Variants in CDK19 observed in about 807,000 individuals in gnomAD.
CDK19 encodes the protein cyclin dependent kinase 19, also known as cyclin-dependent kinase 19.
In CDK19, 20 loss-of-function variants were observed where a neutral mutation model predicts 68.3. The ratio of observed to expected loss-of-function variants is 0.29; its 90% CI spans 0.21 to 0.43. CDK19 has a LOEUF of 0.43. CDK19 is among the 20% of genes least tolerant of loss of function. CDK19 has a pLI of 1.00. For synonymous variants in CDK19, 221 were observed against 222.8 expected (o/e 0.99, Z 0.07); for missense variants, 339 against 623.5 (o/e 0.54, Z 4.86).
chr6:110,643,675 G>A (rs1780349837), intron 4 of CDK19, among the ~76,000 whole-genome samples: 1 of 152,188 alleles, frequency 6.6e-6, no homozygotes, highest in South Asian at 2.1e-4. Context: ...CACAGACATG[G>A]CATGTTGAGA....
chr6:110,767,702 G>A (rs1485851098), intron 1 of CDK19, among the ~76,000 whole-genome samples: 1 of 151,936 alleles, frequency 6.6e-6, no homozygotes, highest in Non-Finnish European at 1.5e-5. Flanking sequence ...AATGATAAAT[G>A]TTTGAGGTGA....
chr6:110,780,047 G>A (rs10457225), intron 1 of CDK19, among the ~76,000 whole-genome samples: 50,968 of 151,766 alleles, frequency 0.34, 10,373 homozygotes, highest in Admixed American at 0.48. Context: ...GCAAAACCCC[G>A]TCTCTACTAA....
chr6:110,733,696 T>G (rs1048656289), intron 2 of CDK19, among the ~76,000 whole-genome samples: 1 of 151,650 alleles, frequency 6.6e-6, no homozygotes, highest in Non-Finnish European at 1.5e-5. Flanking sequence ...TTAATATATT[T>G]TATATATATC....
chr6:110,620,080 C>G (rs1331824968), intron 12 of CDK19, among the ~76,000 whole-genome samples: 1 of 151,916 alleles, frequency 6.6e-6, no homozygotes, highest in Non-Finnish European at 1.5e-5. Flanking sequence ...CAAACTGAAG[C>G]CTAAATTTGT....
Position 110,627,983 on chromosome 6 carries a change from G to T in CDK19, c.647-838C>A, listed in dbSNP as rs546747959. 1.4e-4 allele frequency among the ~76,000 whole-genome samples: 21 copies of T among 152,264 alleles called. No individual in the cohort carries two copies. The East Asian group carries it at 2.3e-3, about 17-fold the overall frequency. On this transcript the variant is annotated intron_variant, in intron 6 of 12. Transcript: ENST00000368911. ...CAAGTACTTTGGGAGGCTGAGGTGG[G>T]CGGATCACTTGAGGTCAGGAGTTCG...
chr6:110,627,160 A>T lies in CDK19; in HGVS notation c.647-15T>A. On this transcript the variant is annotated splice_polypyrimidine_tract_variant and intron_variant, in intron 6 of 12. Coordinates refer to ENST00000368911, the MANE Select transcript of CDK19 (RefSeq NM_015076.5). The stretch of plus-strand genomic sequence containing the variant: ...TGCCCATATATCTGGGAAGGAAGAA[A>T]CATAAGTTTTTGTATATATTTCCTT... The T allele has an allele frequency of 1.3e-6, 2 of 1,590,016 alleles. No individual in the cohort carries two copies. Among genetic ancestry groups the T allele is most frequent in the Non-Finnish European group, 1.7e-6 (2 of 1,165,942 alleles).
chr6:110,693,250 C>T (rs1393904422), intron 2 of CDK19, among the ~76,000 whole-genome samples: 1 of 152,182 alleles, frequency 6.6e-6, no homozygotes, highest in Admixed American at 6.5e-5. Flanking sequence ...AGCAGCTGGC[C>T]ACTGCAGTTC....
chr6:110,678,040 G>A (rs1272984761), intron 2 of CDK19, among the ~76,000 whole-genome samples: 1 of 151,938 alleles, frequency 6.6e-6, no homozygotes, highest in Non-Finnish European at 1.5e-5. Flanking sequence ...TAGAAATGGG[G>A]TATCACTTTG....
chr6:110,674,255 G>A (rs905961541), intron 2 of CDK19, among the ~76,000 whole-genome samples: 2 of 151,930 alleles, frequency 1.3e-5, no homozygotes, highest in East Asian at 1.9e-4. Flanking sequence ...CCCTCTCTTC[G>A]GGCCTCTCTA....
Position 110,680,795 on chromosome 6 carries a change from G to A in CDK19, c.205-10254C>T, listed in dbSNP as rs191420970. The stretch of plus-strand genomic sequence containing the variant: ...ACAGATCACTTGAAGCCAGGAGTTC[G>A]AGGCCAGCCTGGACAACATGGCAAA... On this transcript the variant is annotated intron_variant, in intron 2 of 12. Coordinates refer to ENST00000368911, the MANE Select transcript of CDK19 (RefSeq NM_015076.5). 9.2e-5 allele frequency among the ~76,000 whole-genome samples: 14 copies of A among 151,922 alleles called. No individual in the cohort carries two copies. In the East Asian group the frequency reaches 1.7e-3, roughly 19 times the overall value.
intron 2 of CDK19, among the ~76,000 whole-genome samples, chr6:110,700,132 T>C (rs1377306182): frequency 6.6e-6 from 1 of 152,230 alleles, no homozygotes; most frequent in Non-Finnish European, 1.5e-5. Flanking sequence ...CTGTGCACTC[T>C]TTATGAGAAT....
At chr6:110,654,635 A>G (rs970873209) in intron 4 of CDK19, among the ~76,000 whole-genome samples, 1 of 152,250 alleles carries the variant, frequency 6.6e-6, no homozygotes, top group Non-Finnish European at 1.5e-5. Context: ...TCTGAGAGGC[A>G]AGTTCCCAAT....
intron 12 of CDK19, among the ~76,000 whole-genome samples, chr6:110,618,131 CTCTAT>C (rs2114591335): frequency 6.6e-6 from 1 of 152,038 alleles, no homozygotes; most frequent in Non-Finnish European, 1.5e-5. Flanking sequence ...CTGCATGACT[CTCTAT>C]TCATTTATTT....
chr6:110,752,386 A>G (rs1778530569), intron 1 of CDK19, among the ~76,000 whole-genome samples: 1 of 152,198 alleles, frequency 6.6e-6, no homozygotes, highest in Non-Finnish European at 1.5e-5. Flanking sequence ...TAACACTTTA[A>G]TATCAAGAAT....
At chr6:110,703,713 A>G (rs1422410162) in intron 2 of CDK19, among the ~76,000 whole-genome samples, 1 of 152,126 alleles carries the variant, frequency 6.6e-6, no homozygotes, top group African/African-American at 2.4e-5. Flanking sequence ...GGTGGCATGC[A>G]CCTGTAGTCC....
At chr6:110,796,207 G>A (rs1018802345) in intron 1 of CDK19, among the ~76,000 whole-genome samples, 3 of 151,910 alleles carry the variant, frequency 2.0e-5, no homozygotes, top group African/African-American at 7.2e-5. Flanking sequence ...GCATGGCGGT[G>A]CACGCCTGTA....
At chr6:110,630,720 G>T (rs961531201) in intron 6 of CDK19, among the ~76,000 whole-genome samples, 1 of 152,206 alleles carries the variant, frequency 6.6e-6, no homozygotes, top group African/African-American at 2.4e-5. Context: ...CAGCTGCACA[G>T]GTAAGGGTTT....
intron 1 of CDK19, among the ~76,000 whole-genome samples, chr6:110,766,871 A>G (rs12191098): frequency 0.019 from 2,845 of 152,222 alleles, 39 homozygotes; most frequent in Non-Finnish European, 0.029. Context: ...ATGGTGGCTC[A>G]TGCCTGTAAT....
intron 1 of CDK19, among the ~76,000 whole-genome samples, chr6:110,803,970 AAAGAAAGAG>A (rs2115122760): frequency 6.6e-6 from 1 of 152,318 alleles, no homozygotes; most frequent in South Asian, 2.1e-4. Flanking sequence ...TGTCTCAAGA[AAAGAAAGAG>A]AAGAAAGAAA....
Sources: gnomAD v4.1 joint callset for allele counts (sites outside exome capture counted in the v4.1 genomes callset) on GRCh38, gnomAD v4.1.1 for gene constraint, MANE v1.5 for transcripts, NCBI Gene and HGNC (gene_info 2026-07-23, HGNC 2026-07-21) for gene names.